The following CHRNA7 variants were observed in gnomAD, a reference collection of about 807,000 sequenced individuals.
CHRNA7 encodes the protein neuronal acetylcholine receptor subunit alpha-7.
A neutral mutation model predicts 48.0 loss-of-function variants in CHRNA7; 17 were observed. The observed-to-expected ratio is 0.35, with a 90% CI of 0.24 to 0.53. The LOEUF (loss-of-function observed/expected upper bound fraction) is 0.53. CHRNA7 is among the 20% of genes least tolerant of loss of function. The probability of loss-of-function intolerance (pLI) is 0.92; values close to 1 mark genes in which losing one functional copy is unlikely to be tolerated. For synonymous variants in CHRNA7, 75 were observed against 242.3 expected (o/e 0.31, Z 6.41); for missense variants, 155 against 577.7 (o/e 0.27, Z 7.50).
At chr15:32,114,045 T>TATATACACAC (rs2050815449) in intron 4 of CHRNA7, among the ~76,000 whole-genome samples, 1 of 35,348 alleles carries the variant, frequency 2.8e-5, no homozygotes, top group South Asian at 2.0e-3. Flanking sequence ...TATATATATG[T>TATATACACAC]ATATATATAT....
At chr15:32,140,342 T>C (rs2051355307) in intron 4 of CHRNA7, among the ~76,000 whole-genome samples, 1 of 152,232 alleles carries the variant, frequency 6.6e-6, no homozygotes, top group Non-Finnish European at 1.5e-5. Flanking sequence ...TTGGGTTGGT[T>C]CCAAGTCTTT....
At chr15:32,081,864 A>G (rs748489344) in intron 2 of CHRNA7, among the ~76,000 whole-genome samples, 3 of 151,932 alleles carry the variant, frequency 2.0e-5, no homozygotes, top group Non-Finnish European at 4.4e-5. Context: ...CTTTCAATCT[A>G]TTGAACTTTA....
At chr15:32,042,727 G>T (rs1163275335) in intron 2 of CHRNA7, among the ~76,000 whole-genome samples, 2 of 152,156 alleles carry the variant, frequency 1.3e-5, no homozygotes, top group Non-Finnish European at 2.9e-5. Flanking sequence ...GAGAGCAGAA[G>T]TTCATCCTGT....
In CHRNA7 at chr15:32,040,429, T is replaced by C. The variant is rs1490203214; in HGVS notation, c.195+9392T>C. ...GTTCTTTTTTTACTTTTTTAGTGGT[T>C]GCCCTAGAGTTTGCAATATACATTT... On this transcript the variant is annotated intron_variant, in intron 2 of 9. Coordinates refer to ENST00000306901, the MANE Select transcript of CHRNA7 (RefSeq NM_000746.6). 2.0e-5 allele frequency among the ~76,000 whole-genome samples: 3 copies of C among 152,008 alleles called. No homozygotes were observed. In the East Asian group the frequency reaches 5.8e-4, roughly 29 times the overall value.
intron 2 of CHRNA7, among the ~76,000 whole-genome samples, chr15:32,051,032 C>T (rs1318286382): frequency 7.3e-6 from 1 of 136,942 alleles, no homozygotes; most frequent in African/African-American, 3.0e-5. Flanking sequence ...AGTACCCGGC[C>T]GTGTGAGGTG....
chr15:32,046,713 C>T (rs984676549), intron 2 of CHRNA7, among the ~76,000 whole-genome samples: 2 of 151,926 alleles, frequency 1.3e-5, no homozygotes, highest in African/African-American at 2.4e-5. Context: ...GTTGCCATTG[C>T]TTTTGGTGTT....
chr15:32,033,932 A>G (rs1204677993), intron 2 of CHRNA7, among the ~76,000 whole-genome samples: 2 of 152,220 alleles, frequency 1.3e-5, no homozygotes, highest in Non-Finnish European at 2.9e-5. Context: ...TTTGTGAAAG[A>G]TCATTTACTC....
chr15:32,144,907 AC>A (rs1457768926), intron 4 of CHRNA7, among the ~76,000 whole-genome samples: 1 of 152,136 alleles, frequency 6.6e-6, no homozygotes, highest in Non-Finnish European at 1.5e-5. Flanking sequence ...ACCTTCTGAA[AC>A]CTACTTCTGT....
chr15:32,051,708 AG>A (rs1162460726), intron 2 of CHRNA7, among the ~76,000 whole-genome samples: 1 of 152,212 alleles, frequency 6.6e-6, no homozygotes, highest in Non-Finnish European at 1.5e-5. Flanking sequence ...CTGGTAGCTC[AG>A]ATAGAAATGC....
intron 2 of CHRNA7, among the ~76,000 whole-genome samples, chr15:32,043,308 T>TA (rs2049480667): frequency 1.3e-5 from 2 of 152,184 alleles, no homozygotes; most frequent in African/African-American, 4.8e-5. Context: ...GTTGGGTTTT[T>TA]AAAAAAATTG....
intron 2 of CHRNA7, among the ~76,000 whole-genome samples, chr15:32,050,425 C>A (rs911799635): frequency 1.3e-5 from 2 of 152,214 alleles, no homozygotes; most frequent in African/African-American, 4.8e-5. Context: ...CCCATTCTTC[C>A]AGTTGATCGC....
chr15:32,077,793 T>G (rs1405349264), intron 2 of CHRNA7, among the ~76,000 whole-genome samples: 1 of 152,130 alleles, frequency 6.6e-6, no homozygotes, highest in African/African-American at 2.4e-5. Context: ...GAGGAGCATG[T>G]GTAGAGATCA....
intron 4 of CHRNA7, among the ~76,000 whole-genome samples, chr15:32,138,306 C>G (rs931255824): frequency 6.6e-6 from 1 of 151,858 alleles, no homozygotes; most frequent in Non-Finnish European, 1.5e-5. Context: ...ATTTTGGAAA[C>G]TTAGATAGAT....
chr15:32,110,094 G>A (rs1178120453), intron 3 of CHRNA7, among the ~76,000 whole-genome samples: 6 of 152,210 alleles, frequency 3.9e-5, no homozygotes, highest in Non-Finnish European at 8.8e-5. Context: ...AATGGTGAAC[G>A]TGACTGGCTC....
In CHRNA7 at chr15:32,159,361, A is replaced by G. The variant is rs188582086; in HGVS notation, c.794-208A>G. 2,174 of 442,284 alleles carry G rather than the reference A, an allele frequency of 4.9e-3. 194 individuals are homozygous for G. Among genetic ancestry groups the G allele is most frequent in the African/African-American group, 0.04 (1,926 of 48,212 alleles). 27.4% of individuals were successfully genotyped at this position (442,284 alleles called of 1,614,324 possible). A position where few individuals can be genotyped will look rare whatever the true frequency, so the allele number is the denominator to read the frequency against. On this transcript the variant is annotated intron_variant, in intron 7 of 9. Transcript: ENST00000306901. ...AATTCTGGGTCCTAAACTTGTCTCCATAAGAGACTCCTTTGGGACTCTGGT... is the reference window on the plus strand; with the variant it reads ...AATTCTGGGTCCTAAACTTGTCTCCGTAAGAGACTCCTTTGGGACTCTGGT...
intron 3 of CHRNA7, among the ~76,000 whole-genome samples, chr15:32,109,361 A>T (rs925276317): frequency 6.6e-6 from 1 of 152,212 alleles, no homozygotes; most frequent in East Asian, 1.9e-4. Context: ...CTTTACTGCA[A>T]CCTGTTTTAT....
chr15:32,149,011 G>A lies in CHRNA7; in HGVS notation c.351-4896G>A, dbSNP rs138320279. On this transcript the variant is annotated intron_variant, in intron 4 of 9. Coordinates refer to ENST00000306901, the MANE Select transcript of CHRNA7 (RefSeq NM_000746.6). This position sits in a 1 kb window ranked among gnomAD's most constrained non-coding sequence, Gnocchi z 4.6. ...TACATTTGCCCCAGTCACCCCCTCC[G>A]TGGTGAGGGTAGGGCTCAGAGCTCT... Among the ~76,000 whole-genome samples, 64 of 152,238 alleles carry A rather than the reference G, an allele frequency of 4.2e-4. No homozygotes were observed. Among genetic ancestry groups the A allele is most frequent in the African/African-American group, 1.4e-3 (58 of 41,532 alleles).
At chr15:32,144,578 A>C (rs1292647971) in intron 4 of CHRNA7, among the ~76,000 whole-genome samples, 5 of 152,162 alleles carry the variant, frequency 3.3e-5, no homozygotes, top group Admixed American at 2.6e-4. Context: ...TGGTCTTGTC[A>C]CATAGTCCCA....
chr15:32,061,923 C>G (rs2049886119), intron 2 of CHRNA7, among the ~76,000 whole-genome samples: 1 of 152,164 alleles, frequency 6.6e-6, no homozygotes, highest in Non-Finnish European at 1.5e-5. Context: ...ACATTCTGTT[C>G]TTTAAAGTAA....
Sources: gnomAD v4.1 joint callset for allele counts (sites outside exome capture counted in the v4.1 genomes callset) on GRCh38, gnomAD v4.1.1 for gene constraint, Gnocchi (gnomAD v3.1) non-coding constraint, MANE v1.5 for transcripts, NCBI Gene and HGNC (gene_info 2026-07-23, HGNC 2026-07-21) for gene names.